DLG4: variants seen among roughly 807,000 people sequenced by gnomAD.
DLG4 encodes the protein disks large homolog 4.
A neutral mutation model predicts 93.8 loss-of-function variants in DLG4; 7 were observed. The observed-to-expected ratio is 0.07, with a 90% CI of 0.04 to 0.14. DLG4 has a LOEUF of 0.14. Ranked by LOEUF, DLG4 falls within the 10% of genes least tolerant of loss-of-function variation. The probability of loss-of-function intolerance (pLI) is 1.00; values close to 1 mark genes in which losing one functional copy is unlikely to be tolerated. For synonymous variants in DLG4, 341 were observed against 387.6 expected (o/e 0.88, Z 1.41); for missense variants, 545 against 992.9 (o/e 0.55, Z 6.06).
chr17:7,217,068 C>A, intron 1 of DLG4, 50 bp downstream of exon 1: 1 of 1,260,652 alleles, frequency 7.9e-7, no homozygotes, highest in South Asian at 3.7e-5. Context: ...TAACCCCTCC[C>A]CACAAACTCA....
upstream of DLG4, chr17:7,218,616 G>C (rs2071043985): frequency 6.4e-7 from 1 of 1,564,166 alleles, no homozygotes; most frequent in Non-Finnish European, 8.7e-7. Flanking sequence ...GGGGGTGCCA[G>C]GAGCCAGAGG....
At position 7,217,572 on chromosome 17, in the gene DLG4, G is replaced by A. The variant is rs2070987128; in HGVS notation, c.-425C>T. 7.9e-7 allele frequency: 1 copy of A among 1,268,888 alleles called. No individual in the cohort carries two copies. 78.6% of individuals were successfully genotyped at this position (1,268,888 alleles called of 1,614,324 possible). ...GCGGGGGAGTGGGGTGGGGGGGTTGGAAACGGCAGCGGCCGAGGGAGCCGT... is the reference window on the plus strand; with the variant it reads ...GCGGGGGAGTGGGGTGGGGGGGTTGAAAACGGCAGCGGCCGAGGGAGCCGT... On this transcript the variant is annotated 5_prime_UTR_variant, in exon 1 of 20. Coordinates refer to ENST00000399506, the MANE Select transcript of DLG4 (RefSeq NM_001321075.3).
intron 1 of DLG4, among the ~76,000 whole-genome samples, chr17:7,214,131 A>T (rs1222582620): frequency 6.6e-6 from 1 of 152,206 alleles, no homozygotes; most frequent in African/African-American, 2.4e-5. Context: ...GAGCTGAGGT[A>T]GGAGGGGTGC....
chr17:7,197,108 C>A, intron 8 of DLG4, 56 bp from the exon 9 acceptor site: 1 of 1,501,138 alleles, frequency 6.7e-7, no homozygotes. Context: ...ACCCGCCACC[C>A]AACCTTCTCC....
intron 1 of DLG4, among the ~76,000 whole-genome samples, chr17:7,212,864 C>G (rs2070761452): frequency 6.6e-6 from 1 of 152,048 alleles, no homozygotes. Context: ...GAAACCCCAT[C>G]TCTACTAAAA....
intron 2 of DLG4, among the ~76,000 whole-genome samples, chr17:7,205,383 A>G (rs1004113137): frequency 3.3e-5 from 5 of 152,114 alleles, no homozygotes; most frequent in Non-Finnish European, 7.4e-5. Flanking sequence ...CCACGTCTCT[A>G]TGGCAATGGG....
chr17:7,191,841 A>G lies in DLG4; in HGVS notation c.1976+52T>C. The G allele has an allele frequency of 7.7e-7, 1 of 1,293,654 alleles. No individual in the cohort carries two copies. The highest frequency in any genetic ancestry group is 1.0e-6 in the Non-Finnish European group (1 of 963,794). 80.1% of individuals were successfully genotyped at this position (1,293,654 alleles called of 1,614,324 possible). A position where few individuals can be genotyped will look rare whatever the true frequency, so the allele number is the denominator to read the frequency against. ...TGAACGCAGACGCCTTGTGAGGCCC[A>G]GGGCCACAGGTGTTGGGGGAGCAAA... On this transcript the variant is annotated intron_variant, in intron 18 of 19. Coordinates refer to ENST00000399506, the MANE Select transcript of DLG4 (RefSeq NM_001321075.3). The surrounding 1 kb of genome is among the most constrained non-coding windows in gnomAD (Gnocchi z 6.6).
rs180767522 is a variant in DLG4, at chr17:7,188,489, A to T, written c.*2219T>A. Among the ~76,000 whole-genome samples, 5 of 152,302 alleles carry T rather than the reference A, an allele frequency of 3.3e-5. No homozygotes were observed. In the East Asian group the frequency reaches 9.7e-4, roughly 29 times the overall value. ...TCAGAGAAAGGAATAGTACCCCAGC[A>T]GGTGCCCCCAAAGGTTCATCTGTGC... is the stretch of plus-strand genomic sequence containing the variant. On this transcript the variant is annotated 3_prime_UTR_variant, in exon 20 of 20. Transcript: ENST00000399506.
At chr17:7,218,916 A>G, upstream of DLG4, 1 of 1,569,110 alleles carries the variant, frequency 6.4e-7, no homozygotes, top group Non-Finnish European at 8.8e-7. Flanking sequence ...TCTCCCCACT[A>G]AATTCCAGCT....
chr17:7,201,927 C>T (rs756497980), intron 8 of DLG4, among the ~76,000 whole-genome samples: 3 of 152,154 alleles, frequency 2.0e-5, no homozygotes, highest in African/African-American at 4.8e-5. Flanking sequence ...AATGGACACA[C>T]TGCTAAAATT....
chr17:7,205,025 A>C (rs1052443162), intron 2 of DLG4: 24 of 985,024 alleles, frequency 2.4e-5, no homozygotes, highest in African/African-American at 3.5e-5. Flanking sequence ...CGCAGAAGGG[A>C]TCCGCTAGCC....
At chr17:7,198,164 T>G (rs969642144) in intron 8 of DLG4, among the ~76,000 whole-genome samples, 9 of 152,042 alleles carry the variant, frequency 5.9e-5, no homozygotes, top group Non-Finnish European at 1.0e-4. Context: ...TGATTGTCAT[T>G]TACTAGTGGG....
rs1230103178 is a variant in DLG4, at chr17:7,208,178, T to C, written c.92A>G (p.Asn31Ser). The C allele has an allele frequency of 2.1e-5, 27 of 1,315,744 alleles. No individual in the cohort carries two copies. Among genetic ancestry groups the C allele is most frequent in the Non-Finnish European group, 2.5e-5 (26 of 1,022,790 alleles). 81.5% of individuals were successfully genotyped at this position (1,315,744 alleles called of 1,614,324 possible). A position where few individuals can be genotyped will look rare whatever the true frequency, so the allele number is the denominator to read the frequency against. ...CACCAGCTCGGGGGCGTTTACCTGGTTGGGGAGGTGGGCCGGGCTGTGCTC... is the reference window on the plus strand; with the variant it reads ...CACCAGCTCGGGGGCGTTTACCTGGCTGGGGAGGTGGGCCGGGCTGTGCTC... ...PLEHSPAHLP[N>S]QANSPPVIVN... is the part of the protein sequence containing the mutation. Residue 31 changes from asparagine (N) to serine (S), a missense_variant, in exon 2 of 20, where the codon AAC (asparagine) becomes AGC (serine). Coordinates refer to ENST00000399506, the MANE Select transcript of DLG4 (RefSeq NM_001321075.3). The surrounding 1 kb of genome is among the most constrained non-coding windows in gnomAD (Gnocchi z 5.4).
upstream of DLG4, chr17:7,217,845 A>C (rs943545511): frequency 7.8e-6 from 12 of 1,531,160 alleles, no homozygotes; most frequent in African/African-American, 1.4e-5. Flanking sequence ...TAGAGAAGGA[A>C]GCATCTATAG....
upstream of DLG4, chr17:7,218,610 G>A: frequency 6.4e-7 from 1 of 1,565,722 alleles, no homozygotes; most frequent in Non-Finnish European, 8.7e-7. Context: ...AGCAGTGGGG[G>A]TGCCAGGAGC....
chr17:7,212,851 G>C (rs2142921985), intron 1 of DLG4, among the ~76,000 whole-genome samples: 1 of 152,110 alleles, frequency 6.6e-6, no homozygotes, highest in East Asian at 1.9e-4. Flanking sequence ...TGGCCAAGAT[G>C]GTGAAACCCC....
chr17:7,200,856 G>GTTTTTTTTTTT (rs1243920377), intron 8 of DLG4, among the ~76,000 whole-genome samples: 1 of 94,664 alleles, frequency 1.1e-5, no homozygotes, highest in Non-Finnish European at 2.1e-5. Flanking sequence ...GCCTGTTTTG[G>GTTTTTTTTTTT]TTTTTTTTTT....
chr17:7,204,920 A>C, intron 2 of DLG4: 1 of 981,974 alleles, frequency 1.0e-6, no homozygotes, highest in Middle Eastern at 5.2e-4. Context: ...GGTATCTAGG[A>C]CCAGTCAAGA....
upstream of DLG4, chr17:7,219,381 C>T: frequency 9.9e-7 from 1 of 1,012,344 alleles, no homozygotes; most frequent in Non-Finnish European, 1.2e-6. Flanking sequence ...AAGGGAGGGG[C>T]AGTGAATCTG....
Sources: gnomAD v4.1 joint callset for allele counts (sites outside exome capture counted in the v4.1 genomes callset) on GRCh38, gnomAD v4.1.1 for gene constraint, Gnocchi (gnomAD v3.1) non-coding constraint, MANE v1.5 for transcripts, NCBI Gene and HGNC (gene_info 2026-07-23, HGNC 2026-07-21) for gene names.